The following KLHL7 variants were observed in gnomAD, a reference collection of about 807,000 sequenced individuals.
The protein encoded by KLHL7 is kelch-like protein 7.
Under a neutral mutation model 67.4 loss-of-function variants are expected in KLHL7, and 44 were observed. That is an observed-to-expected ratio of 0.65 (90% confidence interval 0.51 to 0.84). KLHL7 has a LOEUF of 0.84. Among genes scored for constraint, KLHL7 ranks in the 40% least tolerant of loss-of-function variants. The pLI is 0.00. For synonymous variants in KLHL7, 252 were observed against 243.3 expected (o/e 1.04, Z -0.33); for missense variants, 362 against 718.1 (o/e 0.50, Z 5.67).
At chr7:23,160,605 A>AT (rs1583721839) in intron 7 of KLHL7, among the ~76,000 whole-genome samples, 1 of 152,160 alleles carries the variant, frequency 6.6e-6, no homozygotes, top group East Asian at 1.9e-4. Flanking sequence ...ATTAAGCCTG[A>AT]TTTTATCTAG....
chr7:23,155,550 G>A (rs997879428), intron 7 of KLHL7, among the ~76,000 whole-genome samples: 9 of 151,836 alleles, frequency 5.9e-5, no homozygotes, highest in African/African-American at 2.2e-4. Flanking sequence ...TGTAATCCCA[G>A]CTACTGGGGA....
intron 1 of KLHL7, among the ~76,000 whole-genome samples, chr7:23,108,284 C>T (rs1275619995): frequency 6.6e-6 from 1 of 152,122 alleles, no homozygotes; most frequent in East Asian, 1.9e-4. Flanking sequence ...TGGGTCATTC[C>T]ATCTCTCTGT....
rs1248945176 is a variant in KLHL7, at chr7:23,117,947, A to C, written c.121-5830A>C. On this transcript the variant is annotated intron_variant, in intron 1 of 10. Coordinates refer to ENST00000339077, the MANE Select transcript of KLHL7 (RefSeq NM_001031710.3). ...GACTGATTGCAGAACCTTCTTGACA[A>C]GCCACATAAATCTAAAGGTTAGTCA... 5 of 1,614,004 alleles carry C rather than the reference A, an allele frequency of 3.1e-6. No individual in the cohort carries two copies. The African/African-American group carries it at 6.7e-5, about 22-fold the overall frequency.
At chr7:23,153,262 A>G (rs1480201654) in intron 7 of KLHL7, among the ~76,000 whole-genome samples, 2 of 152,148 alleles carry the variant, frequency 1.3e-5, no homozygotes, top group African/African-American at 2.4e-5. Context: ...ATTATTGGCT[A>G]TTACTATCAA....
At chr7:23,131,567 G>A (rs1783799764) in intron 4 of KLHL7, among the ~76,000 whole-genome samples, 3 of 152,048 alleles carry the variant, frequency 2.0e-5, no homozygotes, top group Admixed American at 2.0e-4. Flanking sequence ...ATACAGGCAT[G>A]CAATGTGAAA....
At chr7:23,107,714 T>C (rs1478387333) in intron 1 of KLHL7, among the ~76,000 whole-genome samples, 5 of 152,130 alleles carry the variant, frequency 3.3e-5, no homozygotes, top group African/African-American at 1.2e-4. Flanking sequence ...AAGGAAAAAA[T>C]GGTTACCTGG....
chr7:23,147,393 C>A (rs1394776108), intron 6 of KLHL7, among the ~76,000 whole-genome samples: 1 of 152,014 alleles, frequency 6.6e-6, no homozygotes, highest in Non-Finnish European at 1.5e-5. Flanking sequence ...GCTGGCCTAC[C>A]CTGGTCATTT....
intron 1 of KLHL7, among the ~76,000 whole-genome samples, chr7:23,112,734 A>T (rs1190664289): frequency 6.6e-6 from 1 of 152,170 alleles, no homozygotes; most frequent in East Asian, 1.9e-4. Flanking sequence ...CTGTAGTAAG[A>T]CTTATTTTGA....
Position 23,105,957 on chromosome 7 carries a change from C to A in KLHL7, c.-70C>A. 6 of 1,572,830 alleles carry A rather than the reference C, an allele frequency of 3.8e-6. No individual in the cohort carries two copies. Among genetic ancestry groups the A allele is most frequent in the Non-Finnish European group, 5.2e-6 (6 of 1,163,802 alleles). On this transcript the variant is annotated 5_prime_UTR_variant, in exon 1 of 11. Coordinates refer to ENST00000339077, the MANE Select transcript of KLHL7 (RefSeq NM_001031710.3). ...CGCCGTGTTTGGTCGATAGAATCCC[C>A]AGTGTGCCCAGAGAGTGCGACCCCT...
chr7:23,145,231 T>C (rs902516672), intron 6 of KLHL7, among the ~76,000 whole-genome samples: 5 of 150,190 alleles, frequency 3.3e-5, no homozygotes, highest in Non-Finnish European at 5.9e-5. Context: ...TTTTCTTTCT[T>C]TTTTTTTTTA....
At chr7:23,139,297 T>C (rs1784097927) in intron 4 of KLHL7, among the ~76,000 whole-genome samples, 2 of 152,158 alleles carry the variant, frequency 1.3e-5, no homozygotes, top group Non-Finnish European at 2.9e-5. Context: ...AATGACACAA[T>C]GGTTCAATCA....
At chr7:23,113,885 A>T in intron 1 of KLHL7, among the ~76,000 whole-genome samples, 1 of 152,210 alleles carries the variant, frequency 6.6e-6, no homozygotes, top group East Asian at 1.9e-4. Flanking sequence ...CCAGGCTGTT[A>T]ATTCTTGCTA....
At chr7:23,131,821 C>G (rs1783813354) in intron 4 of KLHL7, among the ~76,000 whole-genome samples, 1 of 149,164 alleles carries the variant, frequency 6.7e-6, no homozygotes, top group Non-Finnish European at 1.5e-5. Flanking sequence ...TCTTTCTACT[C>G]TCTGTAGAAA....
intron 7 of KLHL7, among the ~76,000 whole-genome samples, chr7:23,152,935 A>G (rs1027685844): frequency 6.6e-6 from 1 of 152,176 alleles, no homozygotes. Context: ...TAACACCCCA[A>G]ACTTGCAAGG....
chr7:23,112,553 C>T (rs529853473), intron 1 of KLHL7, among the ~76,000 whole-genome samples: 2 of 152,196 alleles, frequency 1.3e-5, no homozygotes, highest in South Asian at 4.2e-4. Flanking sequence ...ATGAGAGTTT[C>T]GAAAATTGGG....
intron 1 of KLHL7, among the ~76,000 whole-genome samples, chr7:23,121,799 C>A (rs1783357115): frequency 6.6e-6 from 1 of 151,542 alleles, no homozygotes; most frequent in Admixed American, 6.6e-5. Flanking sequence ...TCTCCTGCCT[C>A]AGTCTCCCAA....
At chr7:23,170,943 C>A (rs1483362469) in intron 9 of KLHL7, among the ~76,000 whole-genome samples, 2 of 138,506 alleles carry the variant, frequency 1.4e-5, no homozygotes, top group African/African-American at 5.6e-5. Flanking sequence ...GAGTCTCACT[C>A]TGTCACCATG....
chr7:23,138,422 A>C (rs993534684), intron 4 of KLHL7, among the ~76,000 whole-genome samples: 44 of 141,656 alleles, frequency 3.1e-4, no homozygotes, highest in Middle Eastern at 3.7e-3. Context: ...AGATCGGGCC[A>C]CTGCACTCCA....
chr7:23,126,355 G>T (rs977065242), intron 4 of KLHL7, among the ~76,000 whole-genome samples: 1 of 152,186 alleles, frequency 6.6e-6, no homozygotes, highest in African/African-American at 2.4e-5. Context: ...GCAAAACCAT[G>T]GATAAGGGGG....
Sources: gnomAD v4.1 joint callset for allele counts (sites outside exome capture counted in the v4.1 genomes callset) on GRCh38, gnomAD v4.1.1 for gene constraint, MANE v1.5 for transcripts, NCBI Gene and HGNC (gene_info 2026-07-23, HGNC 2026-07-21) for gene names.